KIF6: variants seen among roughly 807,000 people sequenced by gnomAD.
KIF6 encodes the protein kinesin-like protein KIF6.
A neutral mutation model predicts 112.7 loss-of-function variants in KIF6; 106 were observed. That is an observed-to-expected ratio of 0.94 (90% CI 0.80 to 1.11). KIF6 has a LOEUF of 1.11. Among genes scored for constraint, KIF6 ranks in the 50% least tolerant of loss-of-function variants. The pLI, the probability that KIF6 is intolerant of heterozygous loss-of-function variation, is 0.00. For synonymous variants in KIF6, 339 were observed against 339.9 expected, an observed-to-expected ratio of 1.00 and a Z score of 0.03; for missense variants, 929 against 964.0, an observed-to-expected ratio of 0.96 and a Z score of 0.48.
At chr6:39,444,061 A>G (rs1205874231) in intron 13 of KIF6, among the ~76,000 whole-genome samples, 3 of 152,198 alleles carry the variant, frequency 2.0e-5, no homozygotes, top group Non-Finnish European at 4.4e-5. Context: ...CATATACTAG[A>G]GGCATTACAT....
chr6:39,360,537 T>G lies in KIF6; in HGVS notation c.1947-7A>C. 1 of 1,614,140 alleles carries G rather than the reference T, an allele frequency of 6.2e-7. No homozygotes were observed. The highest frequency in any genetic ancestry group is 2.2e-5 in the East Asian group (1 of 44,876). ...AGTGAACATTGTTTTATACCTGCGG[T>G]GGAATCGGGGAAGAGTCAGGGCACT... is the stretch of plus-strand genomic sequence containing the variant. On this transcript the variant is annotated splice_region_variant and splice_polypyrimidine_tract_variant and intron_variant, in intron 17 of 22. Transcript: ENST00000287152.
intron 5 of KIF6, among the ~76,000 whole-genome samples, chr6:39,616,273 T>C (rs899305214): frequency 2.0e-5 from 3 of 152,196 alleles, no homozygotes; most frequent in African/African-American, 7.2e-5. Flanking sequence ...ATTACACTTC[T>C]ACATTTACTT....
At chr6:39,614,199 A>G (rs1561864927) in intron 5 of KIF6, among the ~76,000 whole-genome samples, 1 of 152,198 alleles carries the variant, frequency 6.6e-6, no homozygotes, top group South Asian at 2.1e-4. Context: ...AAGTTACTAA[A>G]GAGAGTTCCT....
In KIF6 at chr6:39,564,016, G is replaced by A. The variant is rs144627169; in HGVS notation, c.1181+14040C>T. On this transcript the variant is annotated intron_variant, in intron 10 of 22. Coordinates refer to ENST00000287152, the MANE Select transcript of KIF6 (RefSeq NM_145027.6). ...CAGGGAACATAAGAAAAAGTGGCACGCAGGAAAAAGAGGAAACTTGTGGCT... is the reference window on the plus strand; with the variant it reads ...CAGGGAACATAAGAAAAAGTGGCACACAGGAAAAAGAGGAAACTTGTGGCT... Among the ~76,000 whole-genome samples the A allele has an allele frequency of 3.2e-4, 48 of 152,260 alleles. 1 individual carries two copies. Among genetic ancestry groups the A allele is most frequent in the African/African-American group, 8.9e-4 (37 of 41,554 alleles).
At chr6:39,563,554 C>T (rs764178585) in intron 10 of KIF6, among the ~76,000 whole-genome samples, 4 of 152,178 alleles carry the variant, frequency 2.6e-5, no homozygotes, top group Admixed American at 6.5e-5. Context: ...ATAACTGTTG[C>T]GTTATGTTCC....
chr6:39,368,892 A>G (rs1046257257), intron 16 of KIF6, among the ~76,000 whole-genome samples: 1 of 152,204 alleles, frequency 6.6e-6, no homozygotes, highest in Non-Finnish European at 1.5e-5. Flanking sequence ...CCTGCGTGGG[A>G]AGGGGAAGTG....
intron 16 of KIF6, among the ~76,000 whole-genome samples, chr6:39,374,073 C>T (rs9369113): frequency 0.032 from 4,805 of 152,220 alleles, 187 homozygotes; most frequent in East Asian, 0.2. Context: ...AATAAACCTA[C>T]ATATTTATGG....
At chr6:39,720,397 T>G (rs891273961) in intron 2 of KIF6, among the ~76,000 whole-genome samples, 16 of 152,142 alleles carry the variant, frequency 1.1e-4, no homozygotes, top group African/African-American at 3.9e-4. Flanking sequence ...AGTTTAATCA[T>G]GCATTGGAAC....
chr6:39,723,068 C>A (rs915194069), intron 1 of KIF6, among the ~76,000 whole-genome samples: 1 of 152,182 alleles, frequency 6.6e-6, no homozygotes, highest in African/African-American at 2.4e-5. Context: ...ATAAGCTCAA[C>A]AGTTTAAGCT....
chr6:39,515,861 T>A (rs1384948213), intron 13 of KIF6, among the ~76,000 whole-genome samples: 2 of 152,206 alleles, frequency 1.3e-5, no homozygotes, highest in African/African-American at 4.8e-5. Context: ...TATGCGTTAT[T>A]AAAATCACTG....
At chr6:39,649,894 G>A (rs1396816600) in intron 3 of KIF6, among the ~76,000 whole-genome samples, 1 of 152,114 alleles carries the variant, frequency 6.6e-6, no homozygotes, top group Non-Finnish European at 1.5e-5. Context: ...TTCACATTTC[G>A]TGTGTGATAG....
chr6:39,347,807 C>T (rs1293138731), intron 19 of KIF6, among the ~76,000 whole-genome samples: 1 of 152,244 alleles, frequency 6.6e-6, no homozygotes, highest in Non-Finnish European at 1.5e-5. Context: ...GCCTTCCGAT[C>T]TCAGCCAATG....
chr6:39,445,348 G>A (rs181025946), intron 13 of KIF6, among the ~76,000 whole-genome samples: 1 of 152,248 alleles, frequency 6.6e-6, no homozygotes, highest in Admixed American at 6.5e-5. Context: ...TTTAACCTCT[G>A]ACCTCTCTGT....
At chr6:39,365,520 G>C (rs561033874) in intron 16 of KIF6, among the ~76,000 whole-genome samples, 20 of 152,258 alleles carry the variant, frequency 1.3e-4, no homozygotes, top group African/African-American at 4.6e-4. Flanking sequence ...TCAGTGCCTC[G>C]CATGTTTGCT....
rs185971772 is a variant in KIF6 at position 39,591,508 on chromosome 6, C to G, written c.846+4546G>C. On this transcript the variant is annotated intron_variant, in intron 7 of 22. Coordinates refer to ENST00000287152, the MANE Select transcript of KIF6 (RefSeq NM_145027.6). ...GAATAGTTCTTAGTAAGCAAAAAAG[C>G]ACTCAGTGATATGGAAGGAAATGTT... 2.6e-5 allele frequency among the ~76,000 whole-genome samples: 4 copies of G among 152,206 alleles called. No homozygotes were observed. In the East Asian group the frequency reaches 7.7e-4, roughly 29 times the overall value.
At chr6:39,531,635 G>A (rs964728712) in intron 13 of KIF6, among the ~76,000 whole-genome samples, 2 of 152,108 alleles carry the variant, frequency 1.3e-5, no homozygotes, top group African/African-American at 4.8e-5. Context: ...GTCAATTGGG[G>A]AAATTGTGGG....
intron 3 of KIF6, among the ~76,000 whole-genome samples, chr6:39,679,267 T>C (rs1443334089): frequency 6.6e-6 from 1 of 152,222 alleles, no homozygotes; most frequent in African/African-American, 2.4e-5. Flanking sequence ...ATTTATGATA[T>C]CTCAGTCTCT....
At chr6:39,650,323 TTAA>T (rs1395105025) in intron 3 of KIF6, among the ~76,000 whole-genome samples, 9 of 152,082 alleles carry the variant, frequency 5.9e-5, no homozygotes, top group Admixed American at 1.3e-4. Context: ...TGTGTTAGTA[TTAA>T]TAATAAGCAG....
chr6:39,617,619 A>G (rs1276948087), intron 5 of KIF6: 2 of 431,298 alleles, frequency 4.6e-6, no homozygotes, highest in Admixed American at 4.8e-5. Context: ...AGTTATCACG[A>G]CAAATGTCTG....
Sources: gnomAD v4.1 joint callset for allele counts (sites outside exome capture counted in the v4.1 genomes callset) on GRCh38, gnomAD v4.1.1 for gene constraint, MANE v1.5 for transcripts, NCBI Gene and HGNC (gene_info 2026-07-23, HGNC 2026-07-21) for gene names.